BANP: variants seen among roughly 807,000 people sequenced by gnomAD.
BANP encodes the protein BTG3 associated nuclear protein.
BANP carries 11 observed loss-of-function variants against 68.1 expected under a neutral mutation model. The ratio of observed to expected loss-of-function variants is 0.16; its 90% CI spans 0.10 to 0.27. The LOEUF (loss-of-function observed/expected upper bound fraction) is 0.27, where lower values mean the gene tolerates loss of function less well. Ranked by LOEUF, BANP falls within the 10% of genes least tolerant of loss-of-function variation. The pLI, the probability that BANP is intolerant of heterozygous loss-of-function variation, is 1.00. For synonymous variants in BANP, 329 were observed against 303.2 expected, an observed-to-expected ratio of 1.09 and a Z score of -0.88; for missense variants, 504 against 722.7, an observed-to-expected ratio of 0.70 and a Z score of 3.47.
In BANP at chr16:88,006,016, A is replaced by G. The variant is rs569769146; in HGVS notation, c.480-74A>G. ...CCACACAGAGTTAGATTTTGCGATA[A>G]GGAAAGCGCTGACCTTCGCGTGCTG... On this transcript the variant is annotated intron_variant, in intron 5 of 13. Transcript: ENST00000682872. The G allele has an allele frequency of 1.9e-6, 3 of 1,594,204 alleles. No homozygotes were observed. In the South Asian group the frequency reaches 3.3e-5, roughly 18 times the overall value.
At chr16:87,968,484 C>CAAAAAAAAA (rs67671706) in intron 1 of BANP, among the ~76,000 whole-genome samples, 1 of 128,680 alleles carries the variant, frequency 7.8e-6, no homozygotes, top group Admixed American at 8.0e-5. Flanking sequence ...AACTCTGTCT[C>CAAAAAAAAA]AAAAAAAAAA....
intron 11 of BANP, among the ~76,000 whole-genome samples, chr16:88,061,028 G>A (rs1449819283): frequency 2.6e-5 from 4 of 152,136 alleles, no homozygotes; most frequent in Non-Finnish European, 5.9e-5. Context: ...CAGGAGCGCC[G>A]CCCTGCTGGA....
At chr16:88,044,403 T>G (rs2081488434) in intron 11 of BANP, among the ~76,000 whole-genome samples, 1 of 152,218 alleles carries the variant, frequency 6.6e-6, no homozygotes, top group Non-Finnish European at 1.5e-5. Flanking sequence ...GTGTGTGCAC[T>G]TACAAGGTCG....
intron 4 of BANP, among the ~76,000 whole-genome samples, chr16:87,992,762 C>T (rs995540011): frequency 6.6e-6 from 1 of 151,256 alleles, no homozygotes; most frequent in African/African-American, 2.4e-5. Flanking sequence ...CCACTGCACT[C>T]CAGCCTGGGA....
intron 1 of BANP, among the ~76,000 whole-genome samples, chr16:87,953,423 G>T (rs867637442): frequency 1.3e-5 from 2 of 152,096 alleles, no homozygotes; most frequent in South Asian, 4.2e-4. Context: ...TGCCCAGGCC[G>T]TACTCGAACT....
At chr16:87,991,758 C>G (rs1170126040) in intron 4 of BANP, among the ~76,000 whole-genome samples, 1 of 152,134 alleles carries the variant, frequency 6.6e-6, no homozygotes, top group Non-Finnish European at 1.5e-5. Context: ...TGTGTCATTT[C>G]TAAATGAACT....
rs2079336666 is a variant in BANP, at chr16:88,036,296, A to G, written c.1272+902A>G. Among the ~76,000 whole-genome samples, 2 of 152,156 alleles carry G rather than the reference A, an allele frequency of 1.3e-5. No homozygotes were observed. The highest frequency in any genetic ancestry group is 4.1e-4 in the South Asian group (2 of 4,828). On this transcript the variant is annotated intron_variant, in intron 10 of 13. Transcript: ENST00000682872. This position sits in a 1 kb window ranked among gnomAD's most constrained non-coding sequence, Gnocchi z 4.2. ...AAAGATCTCAGGCTTCCCCACACAC[A>G]CCAGCAGCAGAGACTAGGAAGCCCG...
At chr16:87,959,384 C>T (rs1331048826) in intron 1 of BANP, among the ~76,000 whole-genome samples, 2 of 152,248 alleles carry the variant, frequency 1.3e-5, no homozygotes, top group Non-Finnish European at 2.9e-5. Flanking sequence ...TCACGTGCCA[C>T]CCCCTGACCT....
chr16:88,005,582 T>C (rs1458181499), intron 5 of BANP, among the ~76,000 whole-genome samples: 2 of 152,224 alleles, frequency 1.3e-5, no homozygotes, highest in South Asian at 4.1e-4. Flanking sequence ...GCAGCTCCGA[T>C]GGGATCTCAG....
chr16:87,975,062 G>C lies in BANP; in HGVS notation c.-54G>C, dbSNP rs2061768633. On this transcript the variant is annotated 5_prime_UTR_variant, in exon 2 of 14. Transcript: ENST00000682872. ...CTGTTTGGTAGGTGACCAAAAGCCA[G>C]CCCCACTGTGAGTTGAACTCTTTCG... 1 of 1,524,324 alleles carries C rather than the reference G, an allele frequency of 6.6e-7. No individual in the cohort carries two copies. Among genetic ancestry groups the C allele is most frequent in the Non-Finnish European group, 9.1e-7 (1 of 1,100,216 alleles). 94.4% of individuals were successfully genotyped at this position (1,524,324 alleles called of 1,614,324 possible). A position where few individuals can be genotyped will look rare whatever the true frequency, so the allele number is the denominator to read the frequency against.
In BANP at chr16:88,071,128, G is replaced by T; in HGVS notation, c.1378-941G>T. 1 of 286,916 alleles carries T rather than the reference G, an allele frequency of 3.5e-6. No individual in the cohort carries two copies. The highest frequency in any genetic ancestry group is 6.8e-6 in the Non-Finnish European group (1 of 147,180). 17.8% of individuals were successfully genotyped at this position (286,916 alleles called of 1,614,324 possible). ...CAGGCTCCGTGGGGTGGGGCACCCTGCGACGGGCTGCTCCTCTTCCCAGGG... is the reference window on the plus strand; with the variant it reads ...CAGGCTCCGTGGGGTGGGGCACCCTTCGACGGGCTGCTCCTCTTCCCAGGG... On this transcript the variant is annotated intron_variant, in intron 12 of 13. Coordinates refer to ENST00000682872, the MANE Select transcript of BANP (RefSeq NM_001386991.1). The surrounding 1 kb of genome is among the most constrained non-coding windows in gnomAD (Gnocchi z 6.5).
At chr16:88,033,853 C>T (rs1297901847) in intron 9 of BANP, among the ~76,000 whole-genome samples, 1 of 152,150 alleles carries the variant, frequency 6.6e-6, no homozygotes, top group Non-Finnish European at 1.5e-5. Context: ...TGAAGTCCCT[C>T]TACAAACACC....
intron 12 of BANP, among the ~76,000 whole-genome samples, chr16:88,069,522 G>A (rs1192884748): frequency 6.6e-6 from 1 of 152,162 alleles, no homozygotes; most frequent in Non-Finnish European, 1.5e-5. Context: ...GTGCTGCTCC[G>A]CTATGGACGG....
At chr16:88,026,611 G>A (rs1296622926) in intron 7 of BANP, among the ~76,000 whole-genome samples, 1 of 152,158 alleles carries the variant, frequency 6.6e-6, no homozygotes, top group African/African-American at 2.4e-5. Flanking sequence ...GTTTACCAGG[G>A]GAACAGAGTA....
intron 4 of BANP, among the ~76,000 whole-genome samples, chr16:87,984,760 C>G (rs2146215961): frequency 6.6e-6 from 1 of 152,300 alleles, no homozygotes. Context: ...TTTATGATGT[C>G]TTAGAAAGTC....
intron 11 of BANP, among the ~76,000 whole-genome samples, chr16:88,046,939 G>A (rs527945462): frequency 1.8e-4 from 28 of 151,956 alleles, no homozygotes; most frequent in African/African-American, 6.5e-4. Context: ...GGGGGTGGGC[G>A]CCTGTACTCC....
chr16:88,028,730 A>G (rs1286528406), intron 8 of BANP, among the ~76,000 whole-genome samples: 1 of 152,206 alleles, frequency 6.6e-6, no homozygotes, highest in Non-Finnish European at 1.5e-5. Context: ...TGGCTATTGA[A>G]ATGCGGCTGT....
intron 6 of BANP, among the ~76,000 whole-genome samples, chr16:88,011,726 G>A (rs905808391): frequency 1.3e-5 from 2 of 152,168 alleles, no homozygotes; most frequent in African/African-American, 2.4e-5. Flanking sequence ...ATTTTAGAGC[G>A]AGGTCACCCT....
intron 12 of BANP, among the ~76,000 whole-genome samples, chr16:88,070,438 G>A (rs1476066470): frequency 6.6e-6 from 1 of 152,190 alleles, no homozygotes; most frequent in African/African-American, 2.4e-5. Context: ...TTCTTGTATA[G>A]CATCTGTTTG....
Sources: gnomAD v4.1 joint callset for allele counts (sites outside exome capture counted in the v4.1 genomes callset) on GRCh38, gnomAD v4.1.1 for gene constraint, Gnocchi (gnomAD v3.1) non-coding constraint, MANE v1.5 for transcripts, NCBI Gene and HGNC (gene_info 2026-07-23, HGNC 2026-07-21) for gene names.